The following RFX7 variants were observed in gnomAD, a reference collection of about 807,000 sequenced individuals.
The protein encoded by RFX7 is DNA-binding protein RFX7.
RFX7 carries 26 observed loss-of-function variants against 111.8 expected under a neutral mutation model. That is an observed-to-expected ratio of 0.23 (90% CI 0.17 to 0.32). The LOEUF (loss-of-function observed/expected upper bound fraction) is 0.32. Ranked by LOEUF, RFX7 falls within the 10% of genes least tolerant of loss-of-function variation. The pLI, the probability that RFX7 is intolerant of heterozygous loss-of-function variation, is 1.00. For missense variants in RFX7, 1,573 were observed against 1,772.9 expected, an observed-to-expected ratio of 0.89 and a Z score of 2.02; for synonymous variants, 624 against 624.4, an observed-to-expected ratio of 1.00 and a Z score of 0.01.
intron 2 of RFX7, among the ~76,000 whole-genome samples, chr15:56,197,697 C>T (rs1341887931): frequency 6.6e-6 from 1 of 151,980 alleles, no homozygotes; most frequent in Non-Finnish European, 1.5e-5. Context: ...GAAAGGGAAG[C>T]AAAGTAGGGA....
chr15:56,109,328 G>A (rs1368221817), intron 5 of RFX7, among the ~76,000 whole-genome samples: 1 of 152,250 alleles, frequency 6.6e-6, no homozygotes, highest in East Asian at 1.9e-4. Context: ...GATTGCAGAC[G>A]GAGTCTCCTT....
At chr15:56,236,775 G>C (rs146365152) in intron 2 of RFX7, among the ~76,000 whole-genome samples, 8 of 152,220 alleles carry the variant, frequency 5.3e-5, no homozygotes, top group Admixed American at 3.3e-4. Context: ...TCTTTATAAA[G>C]AAGACAAAAC....
At chr15:56,234,955 C>G (rs1306861699) in intron 2 of RFX7, among the ~76,000 whole-genome samples, 1 of 152,114 alleles carries the variant, frequency 6.6e-6, no homozygotes, top group Non-Finnish European at 1.5e-5. Flanking sequence ...GATCATTGTT[C>G]CCCTGGGAGT....
intron 2 of RFX7, among the ~76,000 whole-genome samples, chr15:56,182,619 A>G (rs2042986431): frequency 6.6e-6 from 1 of 152,146 alleles, no homozygotes; most frequent in South Asian, 2.1e-4. Flanking sequence ...CTTTTCTACA[A>G]TTTTTTAATT....
At chr15:56,235,084 T>C (rs2043608015) in intron 2 of RFX7, among the ~76,000 whole-genome samples, 1 of 151,850 alleles carries the variant, frequency 6.6e-6, no homozygotes, top group Non-Finnish European at 1.5e-5. Context: ...CATACGTAAG[T>C]AGAGAAATAA....
At chr15:56,167,920 C>T (rs1595982626) in intron 3 of RFX7, among the ~76,000 whole-genome samples, 1 of 152,158 alleles carries the variant, frequency 6.6e-6, no homozygotes, top group Non-Finnish European at 1.5e-5. Context: ...TTATTGGTTA[C>T]CAAAATTCAG....
At chr15:56,102,142 A>T (rs2041761996) in intron 7 of RFX7, 27 bp downstream of exon 7, 1 of 1,530,400 alleles carries the variant, frequency 6.5e-7, no homozygotes, top group Admixed American at 1.7e-5. Context: ...AATTTTACTT[A>T]TTAAAAAGAA....
intron 2 of RFX7, among the ~76,000 whole-genome samples, chr15:56,219,926 C>T (rs1197199465): frequency 6.6e-6 from 1 of 152,124 alleles, no homozygotes; most frequent in African/African-American, 2.4e-5. Flanking sequence ...GTTTACAGTT[C>T]TTTGAGAAAT....
Position 56,102,254 on chromosome 15 carries a change from G to A in RFX7, c.519-1C>T. 2 of 1,582,698 alleles carry A rather than the reference G, an allele frequency of 1.3e-6. No individual in the cohort carries two copies. Among genetic ancestry groups the A allele is most frequent in the Non-Finnish European group, 1.7e-6 (2 of 1,153,680 alleles). On this transcript the variant is annotated splice_acceptor_variant, in intron 6 of 9. Transcript: ENST00000559447. LOFTEE classifies it high-confidence loss of function. ...TTTTCTTAGTCCACTGTAGCAATAT[G>A]TAATAAACAGTTAAGGTCTAAATAT...
chr15:56,141,871 C>T (rs886316456), intron 5 of RFX7, among the ~76,000 whole-genome samples: 1 of 151,548 alleles, frequency 6.6e-6, no homozygotes, highest in Admixed American at 6.6e-5. Context: ...TAACTTTGTT[C>T]TCTTGATCAT....
At chr15:56,142,501 T>C (rs1254040789) in intron 5 of RFX7, among the ~76,000 whole-genome samples, 2 of 152,126 alleles carry the variant, frequency 1.3e-5, no homozygotes, top group East Asian at 3.9e-4. Flanking sequence ...AGGAATCCTT[T>C]TATTCACCAA....
At chr15:56,179,921 C>T (rs1422227188) in intron 2 of RFX7, among the ~76,000 whole-genome samples, 1 of 151,848 alleles carries the variant, frequency 6.6e-6, no homozygotes, top group Non-Finnish European at 1.5e-5. Context: ...TACAATAAAG[C>T]CACTATACAT....
intron 2 of RFX7, among the ~76,000 whole-genome samples, chr15:56,240,346 T>C (rs1438456359): frequency 1.3e-5 from 2 of 152,122 alleles, no homozygotes; most frequent in African/African-American, 4.8e-5. Flanking sequence ...TATAGAAACA[T>C]AACAACATTG....
intron 5 of RFX7, among the ~76,000 whole-genome samples, chr15:56,132,282 A>G (rs2140993831): frequency 2.0e-5 from 3 of 152,210 alleles, no homozygotes; most frequent in Middle Eastern, 6.8e-3. Context: ...AAACTTGTGA[A>G]AAAGAGGTAT....
In RFX7 at chr15:56,094,954, A is replaced by C. The variant is rs2041651695; in HGVS notation, c.2774T>G (p.Met925Arg). ...QSQSVTPGAP[M>R]SSHTSSTHFY... is the part of the protein sequence containing the mutation. ...GTGGGTGCTGGAAGTGTGAGATGAC[A>C]TTGGAGCTCCTGGAGTTACTGACTG... The change falls in exon 10 of 10, where the codon ATG becomes AGG. Residue 925 changes from methionine to arginine, a missense_variant. Met to Arg is a moderately conservative substitution (Grantham distance 91). Coordinates refer to ENST00000559447, the MANE Select transcript of RFX7 (RefSeq NM_022841.7). The C allele has an allele frequency of 2.5e-6, 4 of 1,602,442 alleles. No individual in the cohort carries two copies. The highest frequency in any genetic ancestry group is 3.4e-6 in the Non-Finnish European group (4 of 1,174,412).
intron 2 of RFX7, among the ~76,000 whole-genome samples, chr15:56,232,573 TCTC>T (rs757476630): frequency 2.7e-5 from 4 of 150,232 alleles, no homozygotes; most frequent in Admixed American, 6.6e-5. Context: ...GGCTTGAACT[TCTC>T]CTCAGAAAAG....
At chr15:56,175,452 CA>C (rs1168575262) in intron 3 of RFX7, among the ~76,000 whole-genome samples, 5 of 151,802 alleles carry the variant, frequency 3.3e-5, no homozygotes, top group Non-Finnish European at 7.4e-5. Flanking sequence ...ATGGAAATGC[CA>C]AAAAATATAT....
In RFX7 at chr15:56,134,101, C is replaced by T. The variant is rs529175211; in HGVS notation, c.401+8677G>A. On this transcript the variant is annotated intron_variant, in intron 5 of 9. Coordinates refer to ENST00000559447, the MANE Select transcript of RFX7 (RefSeq NM_022841.7). ...ACCCACTCAGTTTGATATTACTCAA[C>T]TTTAACACGCTTACCTTCTTAACCT... Among the ~76,000 whole-genome samples, 12 of 152,314 alleles carry T rather than the reference C, an allele frequency of 7.9e-5. No homozygotes were observed. The South Asian group carries it at 2.1e-3, about 26-fold the overall frequency.
At position 56,212,259 on chromosome 15, in the gene RFX7, G is replaced by A. The variant is rs144157411; in HGVS notation, c.161+30866C>T. Among the ~76,000 whole-genome samples, 23 of 152,120 alleles carry A rather than the reference G, an allele frequency of 1.5e-4. 1 individual carries two copies. The East Asian group carries it at 3.7e-3, about 24-fold the overall frequency. On this transcript the variant is annotated intron_variant, in intron 2 of 9. Coordinates refer to ENST00000559447, the MANE Select transcript of RFX7 (RefSeq NM_022841.7). ...AAGTGAAAGAAGCAAATATAAAAAG[G>A]GTACATACTGTGTGATTACAACTAT...
Sources: allele counts gnomAD v4.1 joint callset (sites outside exome capture counted in the v4.1 genomes callset), GRCh38; gene constraint gnomAD v4.1.1; transcripts MANE v1.5; gene names NCBI Gene and HGNC (gene_info 2026-07-23, HGNC 2026-07-21).